Variants in CHL1 observed in about 807,000 individuals in gnomAD.
The protein encoded by CHL1 is neural cell adhesion molecule L1-like protein.
Under a neutral mutation model 141.9 loss-of-function variants are expected in CHL1, and 96 were observed. The ratio of observed to expected loss-of-function variants is 0.68; its 90% CI spans 0.57 to 0.80. The LOEUF is 0.80. CHL1 is among the 30% of genes least tolerant of loss of function. CHL1 has a pLI of 0.00. For synonymous variants in CHL1, 613 were observed against 502.2 expected (o/e 1.22, Z -2.95); for missense variants, 1,820 against 1,457.2 (o/e 1.25, Z -4.05).
chr3:365,240 G>C (rs57436581), intron 14 of CHL1, among the ~76,000 whole-genome samples: 1 of 152,172 alleles, frequency 6.6e-6, no homozygotes, highest in Non-Finnish European at 1.5e-5. Context: ...AGGATTGCAC[G>C]TTTTGAAACA....
At chr3:288,070 C>T (rs1697333417) in intron 2 of CHL1, among the ~76,000 whole-genome samples, 1 of 152,000 alleles carries the variant, frequency 6.6e-6, no homozygotes, top group Admixed American at 6.6e-5. Context: ...GACCCGCCTT[C>T]ACTGGAATTC....
intron 5 of CHL1, among the ~76,000 whole-genome samples, chr3:337,702 T>G (rs938044175): frequency 6.6e-6 from 1 of 152,166 alleles, no homozygotes; most frequent in East Asian, 1.9e-4. Context: ...GAACTCATCA[T>G]TTTTATGGCT....
At chr3:297,736 T>C (rs1489982272) in intron 2 of CHL1, among the ~76,000 whole-genome samples, 1 of 152,194 alleles carries the variant, frequency 6.6e-6, no homozygotes, top group African/African-American at 2.4e-5. Context: ...ATGGAGATGA[T>C]CTGAGCTTAA....
At chr3:266,006 C>G (rs1481208156) in intron 2 of CHL1, among the ~76,000 whole-genome samples, 1 of 152,132 alleles carries the variant, frequency 6.6e-6, no homozygotes, top group Non-Finnish European at 1.5e-5. Flanking sequence ...TGTGGCTAAC[C>G]CACTAGGGAC....
chr3:239,780 A>G (rs1405715178), intron 1 of CHL1, among the ~76,000 whole-genome samples: 1 of 151,354 alleles, frequency 6.6e-6, no homozygotes, highest in African/African-American at 2.4e-5. Context: ...CCAAGTCCCC[A>G]AAGTCATTCT....
At chr3:367,033 T>C (rs2125300617) in intron 15 of CHL1, among the ~76,000 whole-genome samples, 1 of 152,296 alleles carries the variant, frequency 6.6e-6, no homozygotes, top group Admixed American at 6.5e-5. Flanking sequence ...TCTTCCAAAC[T>C]CTGTATAGAG....
chr3:197,567 A>AC (rs556695918), intron 1 of CHL1: 100 of 320,648 alleles, frequency 3.1e-4, no homozygotes, highest in Admixed American at 8.7e-4. Context: ...TGGGGCTCAG[A>AC]CCCCCCCAGT....
intron 15 of CHL1, among the ~76,000 whole-genome samples, chr3:375,961 C>T (rs186650380): frequency 5.6e-4 from 86 of 152,242 alleles, no homozygotes; most frequent in Middle Eastern, 3.4e-3. Context: ...TAGGGACTAG[C>T]AGACTGGATA....
intron 2 of CHL1, among the ~76,000 whole-genome samples, chr3:297,417 A>G (rs1369449693): frequency 6.6e-6 from 1 of 151,378 alleles, no homozygotes; most frequent in Admixed American, 6.6e-5. Context: ...CCATTAGACT[A>G]TTTTGGCATT....
rs75427609 is a variant in CHL1, at chr3:363,619, A to G, written c.1585+236A>G. 3,031 of 367,282 alleles carry G rather than the reference A, an allele frequency of 8.3e-3. 45 individuals carry two copies. The highest frequency in any genetic ancestry group is 0.037 in the African/African-American group (1,763 of 48,270). 22.8% of individuals were successfully genotyped at this position (367,282 alleles called of 1,614,324 possible). A position where few individuals can be genotyped will look rare whatever the true frequency, so the allele number is the denominator to read the frequency against. On this transcript the variant is annotated intron_variant, in intron 14 of 27. Transcript: ENST00000256509. The stretch of plus-strand genomic sequence containing the variant: ...AAGAGGCAGCCAGGTGTCTGTAGTG[A>G]CAGATGGCTGTCAATATTTAAAAAT...
intron 1 of CHL1, among the ~76,000 whole-genome samples, chr3:237,515 G>C (rs1268033705): frequency 6.6e-6 from 1 of 152,180 alleles, no homozygotes; most frequent in Non-Finnish European, 1.5e-5. Context: ...TAATCAGTAT[G>C]GAGTCCTTTT....
intron 16 of CHL1, among the ~76,000 whole-genome samples, chr3:381,762 G>C (rs1707069560): frequency 6.6e-6 from 1 of 152,014 alleles, no homozygotes; most frequent in Admixed American, 6.6e-5. Flanking sequence ...AAAAAATGAT[G>C]GTCAGAACTC....
intron 1 of CHL1, among the ~76,000 whole-genome samples, chr3:210,120 T>C (rs1699780362): frequency 1.3e-5 from 2 of 152,220 alleles, no homozygotes; most frequent in South Asian, 4.1e-4. Context: ...CTGTTTGTTA[T>C]TAGGAAGAAA....
At chr3:339,834 G>A (rs1042814005) in intron 5 of CHL1, among the ~76,000 whole-genome samples, 2 of 152,120 alleles carry the variant, frequency 1.3e-5, no homozygotes, top group Non-Finnish European at 2.9e-5. Context: ...AATCGGTTGT[G>A]AATCATAATT....
At chr3:356,723 T>A (rs538788947) in intron 11 of CHL1, among the ~76,000 whole-genome samples, 1 of 152,002 alleles carries the variant, frequency 6.6e-6, no homozygotes, top group South Asian at 2.1e-4. Flanking sequence ...GAGAGGTGTG[T>A]TGAGGAGGAG....
chr3:260,936 T>C (rs1694658382), intron 2 of CHL1, among the ~76,000 whole-genome samples: 1 of 152,226 alleles, frequency 6.6e-6, no homozygotes, highest in African/African-American at 2.4e-5. Flanking sequence ...CTGGTTTTTT[T>C]TGGACAGTTT....
rs895458842 is a variant in CHL1, at chr3:302,433, C to G, written c.-94-17250C>G. Among the ~76,000 whole-genome samples, 4 of 152,270 alleles carry G rather than the reference C, an allele frequency of 2.6e-5. No homozygotes were observed. The East Asian group carries it at 7.7e-4, about 29-fold the overall frequency. On this transcript the variant is annotated intron_variant, in intron 2 of 27. Transcript: ENST00000256509. ...TTGTTTCCTGACTTTTTAAAGATGG[C>G]AATTCTAACTGGCATGAGATGGCAT... is the stretch of plus-strand genomic sequence containing the variant.
At chr3:285,873 A>G (rs1419641957) in intron 2 of CHL1, among the ~76,000 whole-genome samples, 1 of 152,160 alleles carries the variant, frequency 6.6e-6, no homozygotes, top group Non-Finnish European at 1.5e-5. Flanking sequence ...TGCTTAGGAA[A>G]GAAAAATGGT....
At chr3:305,497 T>G (rs1699144739) in intron 2 of CHL1, among the ~76,000 whole-genome samples, 1 of 152,134 alleles carries the variant, frequency 6.6e-6, no homozygotes, top group African/African-American at 2.4e-5. Flanking sequence ...TCTTTCACAG[T>G]TTCTCCTTCA....
Sources: gnomAD v4.1 joint callset for allele counts (sites outside exome capture counted in the v4.1 genomes callset) on GRCh38, gnomAD v4.1.1 for gene constraint, MANE v1.5 for transcripts, NCBI Gene and HGNC (gene_info 2026-07-23, HGNC 2026-07-21) for gene names.